Variants in PCYT1B observed in about 807,000 individuals in gnomAD.
PCYT1B encodes the protein phosphate cytidylyltransferase 1B, choline.
PCYT1B carries 10 observed loss-of-function variants against 26.4 expected under a neutral mutation model. The ratio of observed to expected loss-of-function variants is 0.38; its 90% CI spans 0.23 to 0.64. The LOEUF (loss-of-function observed/expected upper bound fraction) is 0.64. PCYT1B is among the 30% of genes least tolerant of loss of function. PCYT1B has a pLI of 0.56. For synonymous variants in PCYT1B, 131 were observed against 108.4 expected, an observed-to-expected ratio of 1.21 and a Z score of -1.29; for missense variants, 161 against 292.7, an observed-to-expected ratio of 0.55 and a Z score of 3.28.
intron 1 of PCYT1B, among the ~76,000 whole-genome samples, chrX:24,624,034 C>G (rs1349714179): frequency 4.8e-5 from 5 of 103,132 alleles, no homozygotes; most frequent in Admixed American, 4.2e-4. Context: ...TGCAGTGGCG[C>G]AATCTGCTCA....
chrX:24,608,091 G>A (rs1925193850), intron 2 of PCYT1B, among the ~76,000 whole-genome samples: 1 of 111,585 alleles, frequency 9.0e-6, no homozygotes, highest in South Asian at 3.8e-4. Flanking sequence ...GCCAACAGAA[G>A]AGACAAAAAC....
At chrX:24,621,137 C>T (rs899787222) in intron 1 of PCYT1B, among the ~76,000 whole-genome samples, 1 of 111,922 alleles carries the variant, frequency 8.9e-6, no homozygotes, top group East Asian at 2.8e-4. Flanking sequence ...GTCAGGCGCC[C>T]ACCCTGGGGC....
chrX:24,562,900 T>C (rs1402929384), intron 7 of PCYT1B, among the ~76,000 whole-genome samples: 1 of 110,194 alleles, frequency 9.1e-6, no homozygotes, highest in African/African-American at 3.3e-5. Flanking sequence ...GCTAATTTTG[T>C]ATTTTTAGTA....
chrX:24,617,654 G>A (rs186315585), intron 2 of PCYT1B, among the ~76,000 whole-genome samples: 43 of 109,496 alleles, frequency 3.9e-4, no homozygotes, highest in African/African-American at 1.4e-3. Flanking sequence ...CACCATGTTG[G>A]CCAGGCTGGT....
At chrX:24,579,135 C>A (rs1192563459) in intron 6 of PCYT1B, among the ~76,000 whole-genome samples, 181 bp downstream of exon 6, 5 of 96,321 alleles carry the variant, frequency 5.2e-5, no homozygotes, top group East Asian at 6.7e-4. Context: ...AAAAAAAAAA[C>A]AAGTTAAATC....
chrX:24,558,851 G>A lies in PCYT1B; in HGVS notation c.*3442C>T, dbSNP rs941178913. The A allele has an allele frequency of 3.6e-5, 4 of 109,964 alleles. No individual in the cohort carries two copies. The highest frequency in any genetic ancestry group is 1.3e-4 in the African/African-American group (4 of 30,192). The allele number at this position is 109,964 out of a possible 1,213,427, so 9.1% of individuals were successfully genotyped here. A position where few individuals can be genotyped will look rare whatever the true frequency, so the allele number is the denominator to read the frequency against. On this transcript the variant is annotated 3_prime_UTR_variant, in exon 8 of 8. Coordinates refer to ENST00000379144, the MANE Select transcript of PCYT1B (RefSeq NM_004845.5). ...ACCCTTGTTTCTTAGCTGGTGGAGG[G>A]GTGACCAGTTCATTTTAGGGTCCCC...
chrX:24,589,477 T>C (rs1183611687), intron 4 of PCYT1B, among the ~76,000 whole-genome samples: 1 of 111,983 alleles, frequency 8.9e-6, no homozygotes, highest in Non-Finnish European at 1.9e-5. Flanking sequence ...AAATCATAGA[T>C]ATAAAGTTCT....
chrX:24,600,832 T>C (rs1035057539), intron 3 of PCYT1B, among the ~76,000 whole-genome samples: 2 of 106,541 alleles, frequency 1.9e-5, no homozygotes, highest in Non-Finnish European at 3.9e-5. Context: ...AGCCCAGAAA[T>C]AGACCCAGAC....
chrX:24,666,606 AGT>A (rs3859985), intron 1 of PCYT1B, among the ~76,000 whole-genome samples: 5,447 of 100,631 alleles, frequency 0.054, 263 homozygotes, highest in African/African-American at 0.15. Flanking sequence ...TATGTGTGTG[AGT>A]GTGTGTGTGT....
At chrX:24,666,380 C>T (rs1192927497) in intron 1 of PCYT1B, among the ~76,000 whole-genome samples, 1 of 111,427 alleles carries the variant, frequency 9.0e-6, no homozygotes, top group Non-Finnish European at 1.9e-5. Context: ...GTAGGACAAA[C>T]TCTTAAAGAT....
intron 3 of PCYT1B, among the ~76,000 whole-genome samples, chrX:24,602,830 G>A (rs936639869): frequency 6.3e-5 from 7 of 110,569 alleles, no homozygotes; most frequent in East Asian, 5.6e-4. Flanking sequence ...TTGAGATGGC[G>A]TCTCGCTCTG....
At chrX:24,620,393 G>A (rs1389879283) in intron 1 of PCYT1B, among the ~76,000 whole-genome samples, 1 of 111,373 alleles carries the variant, frequency 9.0e-6, no homozygotes, top group African/African-American at 3.3e-5. Flanking sequence ...TTGTCTGGAG[G>A]CCTCCCAGTT....
At chrX:24,564,326 C>A (rs1237314839) in intron 7 of PCYT1B, among the ~76,000 whole-genome samples, 1 of 109,488 alleles carries the variant, frequency 9.1e-6, no homozygotes, top group Non-Finnish European at 1.9e-5. Context: ...TTTTAGTGTA[C>A]AGTTCTGTTA....
chrX:24,597,417 C>T (rs1175209465), intron 3 of PCYT1B, among the ~76,000 whole-genome samples: 1 of 111,958 alleles, frequency 8.9e-6, no homozygotes, highest in Admixed American at 9.5e-5. Context: ...CCACCGCACC[C>T]AGCCACATAG....
intron 1 of PCYT1B, chrX:24,657,904 TG>T (rs775968842): frequency 8.9e-6 from 1 of 112,343 alleles, no homozygotes; most frequent in East Asian, 2.8e-4. Context: ...TTTTGATACA[TG>T]TTTTTTTGAC....
chrX:24,660,520 A>C (rs958359164), intron 1 of PCYT1B, among the ~76,000 whole-genome samples: 2 of 110,515 alleles, frequency 1.8e-5, no homozygotes, highest in East Asian at 2.8e-4. Context: ...TCTACTAAAA[A>C]TACAAAAATT....
intron 7 of PCYT1B, among the ~76,000 whole-genome samples, chrX:24,571,500 TATC>T (rs59226167): frequency 2.0e-4 from 21 of 105,409 alleles, no homozygotes; most frequent in Non-Finnish European, 2.3e-4. Context: ...TCTTATTTAC[TATC>T]ATCATCATCA....
intron 1 of PCYT1B, among the ~76,000 whole-genome samples, chrX:24,629,559 CAAAAAAAAAAAAAAA>C (rs1165553186): frequency 1.9e-4 from 3 of 16,105 alleles, no homozygotes; most frequent in South Asian, 0.027. Flanking sequence ...GACCCTGTCT[CAAAAAAAAAAAAAAA>C]AAAAAAAAAA....
chrX:24,637,411 G>A (rs1183337744), intron 1 of PCYT1B, among the ~76,000 whole-genome samples: 3 of 99,673 alleles, frequency 3.0e-5, no homozygotes, highest in African/African-American at 1.2e-4. Flanking sequence ...GGAGGCCGAG[G>A]CGGGAGGGTC....
Sources: allele counts gnomAD v4.1 joint callset (sites outside exome capture counted in the v4.1 genomes callset), GRCh38; gene constraint gnomAD v4.1.1; transcripts MANE v1.5; gene names NCBI Gene and HGNC (gene_info 2026-07-23, HGNC 2026-07-21).